RPS6KC1: variants seen among roughly 807,000 people sequenced by gnomAD.
RPS6KC1 encodes inactive ribosomal protein S6 kinase delta-1.
A neutral mutation model predicts 103.8 loss-of-function variants in RPS6KC1; 54 were observed. That is an observed-to-expected ratio of 0.52 (90% CI 0.42 to 0.65). RPS6KC1 has a LOEUF of 0.65. Among genes scored for constraint, RPS6KC1 ranks in the 30% least tolerant of loss-of-function variants. The probability of loss-of-function intolerance (pLI) is 0.00; values close to 1 mark genes in which losing one functional copy is unlikely to be tolerated. For synonymous variants in RPS6KC1, 439 were observed against 438.7 expected, an observed-to-expected ratio of 1.00 and a Z score of -0.01; for missense variants, 1,151 against 1,253.8, an observed-to-expected ratio of 0.92 and a Z score of 1.24.
rs573385092 is a variant in RPS6KC1, at chr1:213,126,692, G to T, written c.473-2835G>T. 4.6e-5 allele frequency among the ~76,000 whole-genome samples: 7 copies of T among 152,178 alleles called. No homozygotes were observed. In the South Asian group the frequency reaches 1.4e-3, roughly 32 times the overall value. ...TTTTAAATAGTTAAAAAAATTAAAAGAATATGATTTTGTGGTTTTGTGATG... is the reference window on the plus strand; with the variant it reads ...TTTTAAATAGTTAAAAAAATTAAAATAATATGATTTTGTGGTTTTGTGATG... On this transcript the variant is annotated intron_variant, in intron 5 of 14. Transcript: ENST00000366960.
At chr1:213,599,097 G>A in the RPS6KC1 span, among the ~76,000 whole-genome samples, 3 of 152,102 alleles carry the variant, frequency 2.0e-5, no homozygotes, top group Non-Finnish European at 2.9e-5. Context: ...AAAATGTATA[G>A]TGTTTCATTT....
chr1:213,364,131 G>T, the RPS6KC1 span, among the ~76,000 whole-genome samples: 62 of 152,208 alleles, frequency 4.1e-4, no homozygotes, highest in Non-Finnish European at 7.9e-4. Context: ...TAGCACAAAA[G>T]TAACTACAGA....
the RPS6KC1 span, among the ~76,000 whole-genome samples, chr1:213,662,987 AC>A: frequency 6.6e-6 from 1 of 152,144 alleles, no homozygotes; most frequent in Non-Finnish European, 1.5e-5. Flanking sequence ...TAGCCTGTCC[AC>A]CCTCGCTAAT....
chr1:213,421,090 AG>A, the RPS6KC1 span, among the ~76,000 whole-genome samples: 17 of 152,292 alleles, frequency 1.1e-4, no homozygotes, highest in African/African-American at 4.1e-4. Context: ...TTGAGGTACT[AG>A]GGGTTAGGAT....
Position 213,163,198 on chromosome 1 carries a change from C to T in RPS6KC1, c.836-4660C>T, listed in dbSNP as rs1019395083. Among the ~76,000 whole-genome samples, 3 of 152,036 alleles carry T rather than the reference C, an allele frequency of 2.0e-5. No homozygotes were observed. In the East Asian group the frequency reaches 5.8e-4, roughly 29 times the overall value. ...TTTATGTGACTAAAGTTGTTAACAA[C>T]AACAACAAAAAAGAAGGCAAAAAAG... On this transcript the variant is annotated intron_variant, in intron 6 of 14. Transcript: ENST00000366960.
At chr1:213,284,306 G>A in the RPS6KC1 span, among the ~76,000 whole-genome samples, 3 of 152,244 alleles carry the variant, frequency 2.0e-5, no homozygotes, top group East Asian at 5.8e-4. Context: ...TGCTTTGGCC[G>A]GGAGTTTGAG....
chr1:213,097,310 C>T (rs974603915), intron 3 of RPS6KC1, among the ~76,000 whole-genome samples: 39 of 151,534 alleles, frequency 2.6e-4, no homozygotes, highest in African/African-American at 5.6e-4. Context: ...GCTGAGATCG[C>T]GCCACTGCAC....
chr1:213,185,293 C>T (rs574060807), intron 8 of RPS6KC1, among the ~76,000 whole-genome samples: 2 of 152,192 alleles, frequency 1.3e-5, no homozygotes, highest in South Asian at 2.1e-4. Context: ...GGGTAGGTTT[C>T]TTGAAGACAG....
chr1:213,821,660 C>T, the RPS6KC1 span: 1 of 152,292 alleles, frequency 6.6e-6, no homozygotes, highest in East Asian at 1.9e-4. Context: ...TGATCCCCTG[C>T]AAAGATGCCT....
chr1:213,811,917 C>A, the RPS6KC1 span, among the ~76,000 whole-genome samples: 1 of 152,264 alleles, frequency 6.6e-6, no homozygotes, highest in Non-Finnish European at 1.5e-5. Flanking sequence ...GAGACACCTT[C>A]AAATATGTTC....
At chr1:213,434,791 T>TC in the RPS6KC1 span, among the ~76,000 whole-genome samples, 1 of 152,038 alleles carries the variant, frequency 6.6e-6, no homozygotes, top group African/African-American at 2.4e-5. Context: ...TGTTTTTTTT[T>TC]CTTCTGATTG....
chr1:213,290,457 G>T, the RPS6KC1 span, among the ~76,000 whole-genome samples: 3 of 152,172 alleles, frequency 2.0e-5, no homozygotes, highest in Non-Finnish European at 4.4e-5. Flanking sequence ...AACGATACGG[G>T]GTGCCTGCAC....
At chr1:213,813,943 A>T in the RPS6KC1 span, among the ~76,000 whole-genome samples, 2 of 152,214 alleles carry the variant, frequency 1.3e-5, no homozygotes, top group African/African-American at 4.8e-5. Context: ...AACCTCACCC[A>T]ACCACTGCTC....
intron 2 of RPS6KC1, among the ~76,000 whole-genome samples, chr1:213,071,851 T>C (rs1297021809): frequency 6.7e-6 from 1 of 149,504 alleles, no homozygotes; most frequent in Non-Finnish European, 1.5e-5. Context: ...TTGCAGATTC[T>C]TCTGTGCATT....
chr1:213,226,470 A>G (rs936671519), intron 8 of RPS6KC1, among the ~76,000 whole-genome samples: 3 of 152,232 alleles, frequency 2.0e-5, no homozygotes, highest in African/African-American at 4.8e-5. Context: ...TATGGAGAGA[A>G]TAAGTCTATC....
At chr1:213,185,604 C>T (rs780805751) in intron 8 of RPS6KC1, among the ~76,000 whole-genome samples, 2 of 151,868 alleles carry the variant, frequency 1.3e-5, no homozygotes, top group South Asian at 2.1e-4. Flanking sequence ...GCTGGGATTG[C>T]GCCACTGCAC....
At chr1:213,565,959 CA>C in the RPS6KC1 span, among the ~76,000 whole-genome samples, 2,814 of 64,386 alleles carry the variant, frequency 0.044, 60 homozygotes, top group African/African-American at 0.13. Flanking sequence ...AACTCCATCT[CA>C]AAAAAAAAAA....
the RPS6KC1 span, among the ~76,000 whole-genome samples, chr1:213,357,855 G>A: frequency 1.3e-5 from 2 of 152,190 alleles, no homozygotes; most frequent in East Asian, 1.9e-4. Flanking sequence ...TGTGTGGCGG[G>A]ACCCTCCTCC....
At chr1:213,553,519 T>G in the RPS6KC1 span, among the ~76,000 whole-genome samples, 3 of 152,226 alleles carry the variant, frequency 2.0e-5, no homozygotes, top group Non-Finnish European at 2.9e-5. Flanking sequence ...TTTTGGTATA[T>G]GCCCAGTAAT....
Sources: gnomAD v4.1 joint callset for allele counts (sites outside exome capture counted in the v4.1 genomes callset) on GRCh38, gnomAD v4.1.1 for gene constraint, MANE v1.5 for transcripts, NCBI Gene and HGNC (gene_info 2026-07-23, HGNC 2026-07-21) for gene names.